Variants in B3GAT2 observed in about 807,000 individuals in gnomAD.
The protein encoded by B3GAT2 is galactosylgalactosylxylosylprotein 3-beta-glucuronosyltransferase 2.
In B3GAT2, 26 loss-of-function variants were observed where a neutral mutation model predicts 27.8. The observed-to-expected ratio is 0.93, with a 90% confidence interval of 0.68 to 1.30. The LOEUF (loss-of-function observed/expected upper bound fraction) is 1.30. B3GAT2 is among the 50% of genes most tolerant of loss of function. The pLI, the probability that B3GAT2 is intolerant of heterozygous loss-of-function variation, is 0.00. For missense variants in B3GAT2, 458 were observed against 459.0 expected (o/e 1.00, Z 0.02); for synonymous variants, 218 against 195.1 (o/e 1.12, Z -0.98).
chr6:70,860,812 C>T lies in B3GAT2; in HGVS notation c.*851G>A, dbSNP rs1657772716. Reference sequence around the variant, plus strand: ...CTGTTTTCTAGTGTATCAAAATGCTCTTATTTCATCATTCACTTCACTGTG... The same window carrying T: ...CTGTTTTCTAGTGTATCAAAATGCTTTTATTTCATCATTCACTTCACTGTG... On this transcript the variant is annotated 3_prime_UTR_variant, in exon 4 of 4. Coordinates refer to ENST00000230053, the MANE Select transcript of B3GAT2 (RefSeq NM_080742.3). The T allele has an allele frequency of 2.5e-6, 1 of 397,410 alleles. No homozygotes were observed. Among genetic ancestry groups the T allele is most frequent in the African/African-American group, 2.1e-5 (1 of 48,480 alleles). The allele number at this position is 397,410 out of a possible 1,614,324, so 24.6% of individuals were successfully genotyped here. A position where few individuals can be genotyped will look rare whatever the true frequency, so the allele number is the denominator to read the frequency against.
At chr6:70,873,656 T>C (rs1771971555) in intron 2 of B3GAT2, among the ~76,000 whole-genome samples, 1 of 152,064 alleles carries the variant, frequency 6.6e-6, no homozygotes, top group Non-Finnish European at 1.5e-5. Flanking sequence ...TTTGTCCCTT[T>C]TTCTCTCTTT....
chr6:70,949,705 T>A (rs1222677634), intron 1 of B3GAT2, among the ~76,000 whole-genome samples: 2 of 151,840 alleles, frequency 1.3e-5, no homozygotes, highest in East Asian at 3.9e-4. Flanking sequence ...CATTACTGGG[T>A]ATATACCCAA....
intron 2 of B3GAT2, among the ~76,000 whole-genome samples, chr6:70,870,779 G>A (rs1268939795): frequency 6.6e-6 from 1 of 152,130 alleles, no homozygotes; most frequent in Non-Finnish European, 1.5e-5. Context: ...TAGTGCAATG[G>A]TGTATACAAA....
rs1351541270 is a variant in B3GAT2 at position 70,942,305 on chromosome 6, C to T, written c.591+13534G>A. Among the ~76,000 whole-genome samples the T allele has an allele frequency of 2.6e-5, 4 of 152,126 alleles. No homozygotes were observed. The East Asian group carries it at 7.7e-4, about 29-fold the overall frequency. On this transcript the variant is annotated intron_variant, in intron 1 of 3. Coordinates refer to ENST00000230053, the MANE Select transcript of B3GAT2 (RefSeq NM_080742.3). ...GGACAGCTTCTCTCAAAGATGAGAACAGCACTTTGACATGCAGAAGATGGA... is the reference window on the plus strand; with the variant it reads ...GGACAGCTTCTCTCAAAGATGAGAATAGCACTTTGACATGCAGAAGATGGA...
chr6:70,910,897 G>A (rs1772679714), intron 1 of B3GAT2, among the ~76,000 whole-genome samples: 1 of 152,054 alleles, frequency 6.6e-6, no homozygotes, highest in African/African-American at 2.4e-5. Flanking sequence ...ATCTCACTGT[G>A]GTTTTAATTT....
chr6:70,897,872 C>T (rs1474943313), intron 1 of B3GAT2, among the ~76,000 whole-genome samples: 1 of 151,724 alleles, frequency 6.6e-6, no homozygotes, highest in African/African-American at 2.4e-5. Flanking sequence ...TCTAATTGTC[C>T]TGGAACAACT....
At chr6:70,881,686 G>A (rs78659854) in intron 2 of B3GAT2, among the ~76,000 whole-genome samples, 7,186 of 152,186 alleles carry the variant, frequency 0.047, 180 homozygotes, top group South Asian at 0.069. Flanking sequence ...CTGATGTGGG[G>A]GCATTCTCTG....
rs1414197096 is a variant in B3GAT2 at position 70,861,534 on chromosome 6, A to AGAT, written c.*126_*128dup. ...AGCTCCATTTAAACAGATGTCCATC[A>AGAT]GATGACAAGAAAGGCTGCTGTACTG... On this transcript the variant is annotated 3_prime_UTR_variant, in exon 4 of 4. Coordinates refer to ENST00000230053, the MANE Select transcript of B3GAT2 (RefSeq NM_080742.3). 2.7e-6 allele frequency: 2 copies of AGAT among 741,658 alleles called. No individual in the cohort carries two copies. Among genetic ancestry groups the AGAT allele is most frequent in the East Asian group, 2.6e-5 (1 of 38,178 alleles). The allele number at this position is 741,658 out of a possible 1,614,324, so 45.9% of individuals were successfully genotyped here.
chr6:70,954,004 G>C (rs187471060), intron 1 of B3GAT2, among the ~76,000 whole-genome samples: 1 of 152,222 alleles, frequency 6.6e-6, no homozygotes, highest in African/African-American at 2.4e-5. Context: ...CACACCAAGA[G>C]GCTAGAAGCT....
rs1028639549 is a variant in B3GAT2 at position 70,859,130 on chromosome 6, A to G, written c.*2533T>C. ...GTCTAGAGTGATTTCTAACATTAGC[A>G]CAATCACTATATATCACAGTTAATT... is the stretch of plus-strand genomic sequence containing the variant. On this transcript the variant is annotated 3_prime_UTR_variant, in exon 4 of 4. Coordinates refer to ENST00000230053, the MANE Select transcript of B3GAT2 (RefSeq NM_080742.3). 1.5e-5 allele frequency: 7 copies of G among 463,588 alleles called. No homozygotes were observed. The highest frequency in any genetic ancestry group is 1.2e-4 in the Admixed American group (3 of 25,116). The allele number at this position is 463,588 out of a possible 1,614,324, so 28.7% of individuals were successfully genotyped here. A position where few individuals can be genotyped will look rare whatever the true frequency, so the allele number is the denominator to read the frequency against.
At chr6:70,893,532 G>A (rs1772327542) in intron 2 of B3GAT2, among the ~76,000 whole-genome samples, 1 of 151,900 alleles carries the variant, frequency 6.6e-6, no homozygotes, top group African/African-American at 2.4e-5. Context: ...TAGAACGTGT[G>A]GTCCTACTGC....
intron 2 of B3GAT2, among the ~76,000 whole-genome samples, chr6:70,889,626 G>C (rs1375354120): frequency 6.6e-6 from 1 of 152,058 alleles, no homozygotes; most frequent in African/African-American, 2.4e-5. Flanking sequence ...CCTCGAGTTG[G>C]AGGGGACCTC....
At chr6:70,929,750 G>A (rs940997137) in intron 1 of B3GAT2, among the ~76,000 whole-genome samples, 1 of 152,182 alleles carries the variant, frequency 6.6e-6, no homozygotes, top group Non-Finnish European at 1.5e-5. Flanking sequence ...TCAGTATTGT[G>A]AAAATGGCCA....
At chr6:70,889,017 C>T (rs1318411133) in intron 2 of B3GAT2, among the ~76,000 whole-genome samples, 1 of 152,214 alleles carries the variant, frequency 6.6e-6, no homozygotes, top group Non-Finnish European at 1.5e-5. Flanking sequence ...TACAAAACTC[C>T]TTGAGGCGAG....
At chr6:70,942,679 T>C (rs1049432232) in intron 1 of B3GAT2, among the ~76,000 whole-genome samples, 5 of 152,164 alleles carry the variant, frequency 3.3e-5, no homozygotes, top group African/African-American at 1.2e-4. Context: ...GGAGCTGAAA[T>C]ACTCCCTGAC....
intron 2 of B3GAT2, among the ~76,000 whole-genome samples, chr6:70,887,765 G>T (rs1323895327): frequency 6.6e-6 from 1 of 152,194 alleles, no homozygotes; most frequent in East Asian, 1.9e-4. Context: ...CCCCAAGAAG[G>T]CAGCCTTTAA....
At chr6:70,895,432 A>C (rs1290421516) in intron 1 of B3GAT2, among the ~76,000 whole-genome samples, 3 of 151,784 alleles carry the variant, frequency 2.0e-5, no homozygotes, top group African/African-American at 7.3e-5. Flanking sequence ...AATAATTAGA[A>C]GCTCCCATTA....
intron 1 of B3GAT2, among the ~76,000 whole-genome samples, chr6:70,925,162 A>G (rs1458216214): frequency 6.6e-6 from 1 of 151,946 alleles, no homozygotes; most frequent in Admixed American, 6.6e-5. Flanking sequence ...CCTTGAAAAA[A>G]CCCTAGCAGG....
At chr6:70,955,729 C>T (rs1489261785) in intron 1 of B3GAT2, 110 bp downstream of exon 1, 1 of 1,275,080 alleles carries the variant, frequency 7.8e-7, no homozygotes, top group African/African-American at 1.6e-5. Context: ...GCACGGAGAA[C>T]TGAGAACTCA....
Sources: allele counts gnomAD v4.1 joint callset (sites outside exome capture counted in the v4.1 genomes callset), GRCh38; gene constraint gnomAD v4.1.1; transcripts MANE v1.5; gene names NCBI Gene and HGNC (gene_info 2026-07-23, HGNC 2026-07-21).